Variants in RGPD4 observed in about 807,000 individuals in gnomAD.
RGPD4 encodes RANBP2 like and GRIP domain containing 4.
In RGPD4, 84 loss-of-function variants were observed where a neutral mutation model predicts 141.1. The ratio of observed to expected loss-of-function variants is 0.60; its 90% confidence interval spans 0.50 to 0.71. The LOEUF (loss-of-function observed/expected upper bound fraction) is 0.71, where lower values mean the gene tolerates loss of function less well. Ranked by LOEUF, RGPD4 falls within the 30% of genes least tolerant of loss-of-function variation. RGPD4 has a pLI of 0.00. For synonymous variants in RGPD4, 298 were observed against 566.8 expected (o/e 0.53, Z 6.74); for missense variants, 918 against 1,622.4 (o/e 0.57, Z 7.46).
intron 7 of RGPD4, among the ~76,000 whole-genome samples, chr2:107,849,587 G>C (rs1313334498): frequency 2.3e-5 from 1 of 44,096 alleles, no homozygotes; most frequent in African/African-American, 1.1e-4. Flanking sequence ...AGCCAGGATG[G>C]TCTCAATCTC....
intron 8 of RGPD4, 84 bp downstream of exon 8, chr2:107,854,727 T>C (rs1182471401): frequency 6.4e-7 from 1 of 1,565,100 alleles, no homozygotes; most frequent in Non-Finnish European, 8.6e-7. Flanking sequence ...TCTCCATCTG[T>C]CCAGGAGATA....
Position 107,871,859 on chromosome 2 carries a change from T to C in RGPD4, c.3855T>C (p.Phe1285=), listed in dbSNP as rs746274309. ...CTGTGAGAAAAAATCTTTTCCATTT[T>C]GGTGAGTCAACAACAGGATCTAACT... is the stretch of plus-strand genomic sequence containing the variant. The part of the protein sequence containing the change: ...SSPVRKNLFH[F]GESTTGSNFS... Residue 1285 remains phenylalanine, a synonymous_variant, in exon 20 of 23, where the codon TTT becomes TTC. Coordinates refer to ENST00000408999, the MANE Select transcript of RGPD4 (RefSeq NM_182588.3). The C allele has an allele frequency of 1.2e-6, 2 of 1,611,648 alleles. No homozygotes were observed. The highest frequency in any genetic ancestry group is 1.7e-6 in the Non-Finnish European group (2 of 1,179,862).
chr2:107,885,075 A>G (rs1250656951), intron 22 of RGPD4, among the ~76,000 whole-genome samples: 2 of 152,208 alleles, frequency 1.3e-5, no homozygotes, highest in Admixed American at 6.5e-5. Flanking sequence ...TTCTATAGCC[A>G]CAATAGTATT....
At chr2:107,833,805 G>A (rs565473894) in intron 1 of RGPD4, among the ~76,000 whole-genome samples, 1 of 152,274 alleles carries the variant, frequency 6.6e-6, no homozygotes, top group East Asian at 1.9e-4. Context: ...TTGGGAGGTG[G>A]AGGAAGTCAG....
chr2:107,865,959 A>G (rs1348983458), intron 17 of RGPD4, among the ~76,000 whole-genome samples: 180 of 113,200 alleles, frequency 1.6e-3, no homozygotes, highest in African/African-American at 5.9e-3. Flanking sequence ...AATCCCAGCT[A>G]GTTGGGAAGC....
chr2:107,830,152 G>T (rs1681427981), intron 1 of RGPD4, among the ~76,000 whole-genome samples: 1 of 151,658 alleles, frequency 6.6e-6, no homozygotes, highest in Non-Finnish European at 1.5e-5. Flanking sequence ...TCCCCGCCCA[G>T]AAGACTTTGG....
Position 107,870,792 on chromosome 2 carries a change from C to G in RGPD4, c.2788C>G (p.Pro930Ala), listed in dbSNP as rs1280259319. The change falls in exon 20 of 23, where the codon CCA becomes GCA. Residue 930 changes from proline (P) to alanine (A), a missense_variant. Physicochemically the swap from Pro to Ala is conservative, Grantham distance 27. Transcript: ENST00000408999. ...TGGATTTAAATTTGGCATTTCGGAA[C>G]CAGGAAATCAAGAAAAGGAAAGTGA... ...ADGFKFGISE[P>A]GNQEKESEKP... is the part of the protein sequence containing the mutation. The G allele has an allele frequency of 1.9e-6, 3 of 1,606,938 alleles. No homozygotes were observed. The highest frequency in any genetic ancestry group is 2.5e-6 in the Non-Finnish European group (3 of 1,176,856).
intron 22 of RGPD4, among the ~76,000 whole-genome samples, chr2:107,885,195 A>G (rs1675478554): frequency 2.0e-5 from 3 of 152,224 alleles, no homozygotes; most frequent in African/African-American, 7.2e-5. Flanking sequence ...CTAATTTTAT[A>G]GTTATAAAAA....
At chr2:107,882,318 C>A (rs1011623436) in intron 21 of RGPD4, among the ~76,000 whole-genome samples, 1 of 151,770 alleles carries the variant, frequency 6.6e-6, no homozygotes, top group African/African-American at 2.4e-5. Context: ...TAGCTTGTTG[C>A]CTTTCTACTT....
intron 7 of RGPD4, among the ~76,000 whole-genome samples, chr2:107,851,674 CTTTA>C (rs1383957559): frequency 1.1e-3 from 40 of 35,944 alleles, no homozygotes; most frequent in Admixed American, 2.9e-3. Context: ...CTACCTCAGT[CTTTA>C]TTAACTACCA....
intron 9 of RGPD4, among the ~76,000 whole-genome samples, chr2:107,857,314 G>T (rs866698155): frequency 6.6e-6 from 1 of 151,418 alleles, no homozygotes; most frequent in Non-Finnish European, 1.5e-5. Flanking sequence ...TTTTTTTGTA[G>T]TTTTAGTAGA....
At chr2:107,887,256 T>TA (rs4012311) in intron 22 of RGPD4, among the ~76,000 whole-genome samples, 6 of 148,780 alleles carry the variant, frequency 4.0e-5, no homozygotes, top group East Asian at 2.1e-4. Flanking sequence ...ACCCCATCTT[T>TA]AAAAAAAATT....
chr2:107,854,776 A>T, intron 8 of RGPD4, 133 bp downstream of exon 8: 1 of 1,136,226 alleles, frequency 8.8e-7, no homozygotes, highest in Non-Finnish European at 1.2e-6. Flanking sequence ...ATCAGTTAAG[A>T]GCAATAGGTA....
rs910596500 is a variant in RGPD4, at chr2:107,834,049, G to A, written c.73-2553G>A. 9.9e-5 allele frequency among the ~76,000 whole-genome samples: 15 copies of A among 151,052 alleles called. 1 individual carries two copies. The highest frequency in any genetic ancestry group is 7.2e-4 in the Admixed American group (11 of 15,200). ...GGGGGAACAAGCCTTGTTCCTATAC[G>A]TGCTGTCCTGACTGTTGTGTATTAT... On this transcript the variant is annotated intron_variant, in intron 1 of 22. Transcript: ENST00000408999.
chr2:107,859,710 A>T lies in RGPD4; in HGVS notation c.1635-12A>T, dbSNP rs1225196783. On this transcript the variant is annotated splice_polypyrimidine_tract_variant and intron_variant, in intron 11 of 22. Coordinates refer to ENST00000408999, the MANE Select transcript of RGPD4 (RefSeq NM_182588.3). ...TTAGAAAGCAATTTTAGTAAATTGA[A>T]CTATTTTTTAGACCTGGAAACTCAG... is the stretch of plus-strand genomic sequence containing the variant. 6.2e-7 allele frequency: 1 copy of T among 1,611,404 alleles called. No homozygotes were observed. The highest frequency in any genetic ancestry group is 2.2e-5 in the East Asian group (1 of 44,856).
Position 107,829,466 on chromosome 2 carries a change from G to C in RGPD4, c.72+2381G>C, listed in dbSNP as rs1469250421. 3.7e-4 allele frequency among the ~76,000 whole-genome samples: 25 copies of C among 68,388 alleles called. 3 individuals are homozygous for C. Among genetic ancestry groups the C allele is most frequent in the Non-Finnish European group, 8.3e-4 (25 of 30,072 alleles). The allele number at this position is 68,388 out of a possible 152,430, so 44.9% of individuals were successfully genotyped here. The stretch of plus-strand genomic sequence containing the variant: ...GCGGCGGCCTCTACCTGGCCCGGCG[G>C]CGGCCTCGATGGCTCAGGCGTCATG... On this transcript the variant is annotated intron_variant, in intron 1 of 22. Transcript: ENST00000408999.
rs565200685 is a variant in RGPD4, at chr2:107,872,696, T to A, written c.4692T>A (p.Ser1564=). The change falls in exon 20 of 23, where the codon TCT becomes TCA. Residue 1564 remains serine (S), a synonymous_variant. Coordinates refer to ENST00000408999, the MANE Select transcript of RGPD4 (RefSeq NM_182588.3). ...AACCATTTGCATTTGGCAACAGTTC[T>A]GCCACTGGGTCTTTGTTTGGATTTA... is the stretch of plus-strand genomic sequence containing the variant. ...KSKPFAFGNS[S]ATGSLFGFSF... is the part of the protein sequence containing the mutation. 30 of 1,611,524 alleles carry A rather than the reference T, an allele frequency of 1.9e-5. No homozygotes were observed. The highest frequency in any genetic ancestry group is 1.3e-4 in the African/African-American group (10 of 74,526).
At position 107,859,324 on chromosome 2, in the gene RGPD4, T is replaced by A; in HGVS notation, c.1458+29T>A. ...AGCAAAGATTTTAACAAATTAAATA[T>A]TCTGAATTTTGTTTAATTTTTTTTT... On this transcript the variant is annotated intron_variant, in intron 10 of 22. Coordinates refer to ENST00000408999, the MANE Select transcript of RGPD4 (RefSeq NM_182588.3). 4 of 1,581,716 alleles carry A rather than the reference T, an allele frequency of 2.5e-6. No individual in the cohort carries two copies. The South Asian group carries it at 4.5e-5, about 18-fold the overall frequency.
rs1681999092 is a variant in RGPD4 at position 107,847,688 on chromosome 2, G to T, written c.783-653G>T. ...ATATAAAAAAAGTTTATCGGGGCAT[G>T]GTGGCAGGTGCCTGTAATCCCAGCT... is the stretch of plus-strand genomic sequence containing the variant. On this transcript the variant is annotated intron_variant, in intron 6 of 22. Coordinates refer to ENST00000408999, the MANE Select transcript of RGPD4 (RefSeq NM_182588.3). 3.3e-5 allele frequency among the ~76,000 whole-genome samples: 2 copies of T among 61,484 alleles called. 1 individual carries two copies. Among genetic ancestry groups the T allele is most frequent in the Non-Finnish European group, 6.7e-5 (2 of 29,800 alleles). 40.3% of individuals were successfully genotyped at this position (61,484 alleles called of 152,430 possible).
Sources: gnomAD v4.1 joint callset for allele counts (sites outside exome capture counted in the v4.1 genomes callset) on GRCh38, gnomAD v4.1.1 for gene constraint, MANE v1.5 for transcripts, NCBI Gene and HGNC (gene_info 2026-07-23, HGNC 2026-07-21) for gene names.